The following DIP2B variants were observed in gnomAD, a reference collection of about 807,000 sequenced individuals.
DIP2B encodes disco-interacting protein 2 homolog B.
In DIP2B, 76 loss-of-function variants were observed where a neutral mutation model predicts 198.0. The ratio of observed to expected loss-of-function variants is 0.38; its 90% CI spans 0.32 to 0.46. The LOEUF is 0.46. DIP2B is among the 20% of genes least tolerant of loss of function. The probability of loss-of-function intolerance (pLI) is 0.99; values close to 1 mark genes in which losing one functional copy is unlikely to be tolerated. For missense variants in DIP2B, 1,559 were observed against 1,978.4 expected (o/e 0.79, Z 4.02); for synonymous variants, 701 against 739.1 (o/e 0.95, Z 0.84).
At chr12:50,734,720 A>G (rs1940106117) in intron 33 of DIP2B, among the ~76,000 whole-genome samples, 1 of 152,180 alleles carries the variant, frequency 6.6e-6, no homozygotes, top group Non-Finnish European at 1.5e-5. Flanking sequence ...CCTAGCCTGC[A>G]TAGGTGGAAC....
chr12:50,553,906 G>A (rs1446758017), intron 1 of DIP2B, among the ~76,000 whole-genome samples: 1 of 152,058 alleles, frequency 6.6e-6, no homozygotes, highest in Non-Finnish European at 1.5e-5. Flanking sequence ...CTTCCACTTT[G>A]ACCTCCCAAA....
chr12:50,709,551 T>C (rs1219282607), intron 22 of DIP2B, among the ~76,000 whole-genome samples: 1 of 150,760 alleles, frequency 6.6e-6, no homozygotes, highest in Non-Finnish European at 1.5e-5. Context: ...GGCAGGAGAA[T>C]GGCTTGAACC....
chr12:50,694,546 TACATACATACATACAC>T (rs1555193338), intron 14 of DIP2B, among the ~76,000 whole-genome samples: 1 of 95,234 alleles, frequency 1.1e-5, no homozygotes, highest in Non-Finnish European at 2.5e-5. Context: ...CATACATACA[TACATACATACATACAC>T]CAGTCCCAGC....
Position 50,674,627 on chromosome 12 carries a change from AT to A in DIP2B, c.795del (p.Asp265GlufsTer17). On this transcript the variant is annotated frameshift_variant and splice_region_variant, in exon 6 of 38. Transcript: ENST00000301180. LOFTEE classifies it high-confidence loss of function. ...SNRSSLMDTA[D>X]GVPVSSRVST... ...AGGTCCAGCCTTATGGATACAGCTG[AT>A]GGTAAGGAGTTGTTTTTGGTAGCTC... 1 of 1,614,026 alleles carries A rather than the reference AT, an allele frequency of 6.2e-7. No homozygotes were observed.
intron 32 of DIP2B, among the ~76,000 whole-genome samples, chr12:50,732,907 TC>T (rs1940069939): frequency 6.6e-6 from 1 of 151,998 alleles, no homozygotes; most frequent in Non-Finnish European, 1.5e-5. Flanking sequence ...TTTTCCTTTT[TC>T]TTTTTTTTTT....
intron 1 of DIP2B, among the ~76,000 whole-genome samples, chr12:50,585,389 C>T (rs1013679575): frequency 1.3e-5 from 2 of 152,096 alleles, no homozygotes; most frequent in African/African-American, 2.4e-5. Flanking sequence ...ACAGATGAAG[C>T]GTGGGCTAAG....
chr12:50,602,001 C>T (rs781258230), intron 1 of DIP2B, among the ~76,000 whole-genome samples: 16 of 152,190 alleles, frequency 1.1e-4, no homozygotes, highest in Non-Finnish European at 2.2e-4. Context: ...AAAATTCTTT[C>T]TCATGTTATT....
At position 50,748,465 on chromosome 12, in the gene DIP2B, G is replaced by C. The variant is rs1940369682; in HGVS notation, c.*3626G>C. On this transcript the variant is annotated 3_prime_UTR_variant, in exon 38 of 38. Coordinates refer to ENST00000301180, the MANE Select transcript of DIP2B (RefSeq NM_173602.3). ...ATTTTTTAGTCCTAAATGCTGTTTT[G>C]TTTACTTTCTGTCAAGATATTTACC... 6.6e-6 allele frequency: 1 copy of C among 152,668 alleles called. No individual in the cohort carries two copies. The highest frequency in any genetic ancestry group is 6.5e-5 in the Admixed American group (1 of 15,296). The allele number at this position is 152,668 out of a possible 1,614,324, so 9.5% of individuals were successfully genotyped here.
At chr12:50,741,335 G>C (rs1019796870) in intron 36 of DIP2B, 81 bp from the exon 37 acceptor site, 14 of 1,517,512 alleles carry the variant, frequency 9.2e-6, no homozygotes, top group Middle Eastern at 2.0e-4. Flanking sequence ...CAGGCAGTCT[G>C]ACCCCTGTGC....
At chr12:50,542,580 T>TTA (rs1958336610) in intron 1 of DIP2B, among the ~76,000 whole-genome samples, 1 of 152,154 alleles carries the variant, frequency 6.6e-6, no homozygotes, top group East Asian at 1.9e-4. Flanking sequence ...AATGATCTTA[T>TTA]TATACTTGAG....
chr12:50,691,026 A>C, intron 12 of DIP2B, 23 bp from the exon 13 acceptor site: 1 of 1,598,790 alleles, frequency 6.3e-7, no homozygotes, highest in Middle Eastern at 1.7e-4. Context: ...TGTGTTTCTT[A>C]TGTTTCTGTT....
chr12:50,708,289 A>G (rs914785479), intron 21 of DIP2B, among the ~76,000 whole-genome samples, 159 bp from the exon 22 acceptor site: 1 of 152,240 alleles, frequency 6.6e-6, no homozygotes, highest in Admixed American at 6.5e-5. Context: ...TAAATGAATG[A>G]ATGCTCATTT....
At chr12:50,559,553 CA>C (rs1299364947) in intron 1 of DIP2B, among the ~76,000 whole-genome samples, 3 of 151,900 alleles carry the variant, frequency 2.0e-5, no homozygotes, top group Non-Finnish European at 2.9e-5. Flanking sequence ...CCAGCTGGGG[CA>C]ACATAGCAAG....
intron 1 of DIP2B, among the ~76,000 whole-genome samples, chr12:50,573,055 G>A (rs1194230526): frequency 1.3e-5 from 2 of 152,240 alleles, no homozygotes; most frequent in African/African-American, 4.8e-5. Context: ...AAGAAATAAA[G>A]CCGCAGAGGG....
chr12:50,554,029 C>T (rs564397512), intron 1 of DIP2B, among the ~76,000 whole-genome samples: 51 of 152,202 alleles, frequency 3.4e-4, no homozygotes, highest in African/African-American at 9.9e-4. Context: ...TTTACACACA[C>T]GTATTTGAAA....
At chr12:50,672,427 G>A (rs938983717) in intron 5 of DIP2B, among the ~76,000 whole-genome samples, 12 of 152,168 alleles carry the variant, frequency 7.9e-5, no homozygotes, top group South Asian at 4.1e-4. Flanking sequence ...CAGTCGTGGA[G>A]CAACAGAGCC....
intron 1 of DIP2B, among the ~76,000 whole-genome samples, chr12:50,538,412 T>G (rs767915007): frequency 3.9e-5 from 6 of 151,978 alleles, no homozygotes; most frequent in Non-Finnish European, 5.9e-5. Flanking sequence ...GAATTTGGAG[T>G]GGACACAGAA....
chr12:50,551,826 T>A (rs989440706), intron 1 of DIP2B, among the ~76,000 whole-genome samples: 2 of 152,212 alleles, frequency 1.3e-5, no homozygotes, highest in Non-Finnish European at 2.9e-5. Context: ...AGATGGACAT[T>A]TAAGTTGCTT....
chr12:50,518,776 AC>A (rs1958089401), intron 1 of DIP2B, among the ~76,000 whole-genome samples: 1 of 151,648 alleles, frequency 6.6e-6, no homozygotes, highest in African/African-American at 2.4e-5. Flanking sequence ...TTTTTTTGAG[AC>A]AAGGTCTTGG....
Sources: gnomAD v4.1 joint callset for allele counts (sites outside exome capture counted in the v4.1 genomes callset) on GRCh38, gnomAD v4.1.1 for gene constraint, MANE v1.5 for transcripts, NCBI Gene and HGNC (gene_info 2026-07-23, HGNC 2026-07-21) for gene names.